The following GRIN2A variants were observed in gnomAD, a reference collection of about 807,000 sequenced individuals.
GRIN2A encodes glutamate ionotropic receptor NMDA type subunit 2A.
In GRIN2A, 22 loss-of-function variants were observed where a neutral mutation model predicts 113.4. That is an observed-to-expected ratio of 0.19 (90% CI 0.14 to 0.28). The LOEUF (loss-of-function observed/expected upper bound fraction) is 0.28, where lower values mean the gene tolerates loss of function less well. Ranked by LOEUF, GRIN2A falls within the 10% of genes least tolerant of loss-of-function variation. The pLI is 1.00. For synonymous variants in GRIN2A, 827 were observed against 738.4 expected, an observed-to-expected ratio of 1.12 and a Z score of -1.94; for missense variants, 1,502 against 1,887.0, an observed-to-expected ratio of 0.80 and a Z score of 3.78.
chr16:10,129,461 A>C (rs2049017976), intron 2 of GRIN2A, among the ~76,000 whole-genome samples: 2 of 152,186 alleles, frequency 1.3e-5, no homozygotes. Context: ...TAATGGCTAG[A>C]GTGGAGGCTA....
intron 2 of GRIN2A, among the ~76,000 whole-genome samples, chr16:10,078,733 C>G (rs1269714879): frequency 1.3e-5 from 2 of 152,156 alleles, no homozygotes; most frequent in Non-Finnish European, 2.9e-5. Context: ...GGGCACAGCC[C>G]CCTTCAGGCC....
chr16:9,798,148 C>G, intron 11 of GRIN2A, 129 bp downstream of exon 11: 1 of 763,942 alleles, frequency 1.3e-6, no homozygotes, highest in South Asian at 1.5e-5. Flanking sequence ...TTTCATGTGA[C>G]AGGAACTCAG....
chr16:9,991,812 A>C (rs1424306766), intron 2 of GRIN2A, among the ~76,000 whole-genome samples: 1 of 152,192 alleles, frequency 6.6e-6, no homozygotes, highest in African/African-American at 2.4e-5. Flanking sequence ...ATAAAGCCAA[A>C]CACCACATGT....
At chr16:10,116,749 A>G (rs756098507) in intron 2 of GRIN2A, among the ~76,000 whole-genome samples, 6 of 152,206 alleles carry the variant, frequency 3.9e-5, no homozygotes, top group Non-Finnish European at 8.8e-5. Flanking sequence ...AGTGTAGGAC[A>G]CACCTCATTA....
chr16:10,023,973 C>A (rs2046771882), intron 2 of GRIN2A, among the ~76,000 whole-genome samples: 1 of 152,206 alleles, frequency 6.6e-6, no homozygotes, highest in Non-Finnish European at 1.5e-5. Context: ...CATTGTGCCT[C>A]TTGTTCAGAA....
intron 3 of GRIN2A, among the ~76,000 whole-genome samples, chr16:9,899,440 CAAAAAAAA>C (rs71157791): frequency 1.6e-4 from 1 of 6,208 alleles, no homozygotes; most frequent in African/African-American, 8.3e-4. Context: ...AACTCCGTCT[CAAAAAAAA>C]AAAAAAAAAA....
chr16:9,886,934 T>A (rs949163931), intron 4 of GRIN2A, among the ~76,000 whole-genome samples: 9 of 152,118 alleles, frequency 5.9e-5, no homozygotes, highest in African/African-American at 2.2e-4. Flanking sequence ...GTCACCCAGG[T>A]TGAAGTGCAG....
At chr16:10,069,322 G>A (rs2047708492) in intron 2 of GRIN2A, among the ~76,000 whole-genome samples, 1 of 152,180 alleles carries the variant, frequency 6.6e-6, no homozygotes, top group South Asian at 2.1e-4. Context: ...GAGAGAAAGA[G>A]AATGTTCCAC....
intron 2 of GRIN2A, among the ~76,000 whole-genome samples, chr16:9,986,367 C>G (rs938593900): frequency 6.6e-6 from 1 of 152,118 alleles, no homozygotes; most frequent in East Asian, 1.9e-4. Flanking sequence ...AAAAACTTCA[C>G]CAAAGAGTTA....
At chr16:9,813,129 C>T (rs1204340118) in intron 10 of GRIN2A, among the ~76,000 whole-genome samples, 1 of 152,192 alleles carries the variant, frequency 6.6e-6, no homozygotes, top group Non-Finnish European at 1.5e-5. Flanking sequence ...TCTTGTAGTA[C>T]CCTTCAGTGC....
chr16:9,909,972 C>A (rs182314387), intron 3 of GRIN2A, among the ~76,000 whole-genome samples: 1 of 152,258 alleles, frequency 6.6e-6, no homozygotes, highest in Admixed American at 6.5e-5. Flanking sequence ...ACTATGTGGC[C>A]TTTTGTGCCT....
At chr16:9,929,870 G>C (rs2044548751) in intron 3 of GRIN2A, among the ~76,000 whole-genome samples, 1 of 152,142 alleles carries the variant, frequency 6.6e-6, no homozygotes, top group African/African-American at 2.4e-5. Flanking sequence ...TGTGCTTTAT[G>C]TGTGACCCCA....
chr16:9,888,300 T>C (rs2043626282), intron 4 of GRIN2A, among the ~76,000 whole-genome samples: 1 of 152,278 alleles, frequency 6.6e-6, no homozygotes, highest in South Asian at 2.1e-4. Context: ...TTTGATGAAG[T>C]ACAGTTTATT....
chr16:9,789,553 T>TACACACACACACACACACAC (rs71157785), intron 11 of GRIN2A, among the ~76,000 whole-genome samples: 1 of 149,502 alleles, frequency 6.7e-6, no homozygotes, highest in Admixed American at 6.7e-5. Flanking sequence ...GAAACATACA[T>TACACACACACACACACACAC]ACACACACAC....
chr16:9,966,254 C>T (rs1164895542), intron 2 of GRIN2A, among the ~76,000 whole-genome samples: 2 of 152,124 alleles, frequency 1.3e-5, no homozygotes, highest in Non-Finnish European at 2.9e-5. Context: ...ACTTTCCCGA[C>T]TCTCTTCCTC....
At position 10,147,336 on chromosome 16, in the gene GRIN2A, T is replaced by C. The variant is rs1196335495; in HGVS notation, c.414+32662A>G. 4.6e-5 allele frequency among the ~76,000 whole-genome samples: 7 copies of C among 151,520 alleles called. No homozygotes were observed. The South Asian group carries it at 1.3e-3, about 27-fold the overall frequency. On this transcript the variant is annotated intron_variant, in intron 2 of 12. Transcript: ENST00000330684. ...AGAAATGATAATGTGAAAGAATTAA[T>C]TGTAGAAGTGTACTGTAATCCCAGC...
chr16:9,956,554 C>T (rs746462153), intron 2 of GRIN2A, among the ~76,000 whole-genome samples: 15 of 152,172 alleles, frequency 9.9e-5, no homozygotes, highest in Admixed American at 5.2e-4. Context: ...ATTTATTCAT[C>T]TCTGGACCAG....
At chr16:9,896,776 C>T (rs970633960) in intron 3 of GRIN2A, among the ~76,000 whole-genome samples, 4 of 152,140 alleles carry the variant, frequency 2.6e-5, no homozygotes, top group African/African-American at 9.7e-5. Flanking sequence ...ATTCCCCCAC[C>T]CAATTTCTAG....
At chr16:9,869,911 A>G (rs1016778324) in intron 4 of GRIN2A, among the ~76,000 whole-genome samples, 3 of 152,206 alleles carry the variant, frequency 2.0e-5, no homozygotes, top group Non-Finnish European at 4.4e-5. Context: ...TGTTCTTGTA[A>G]GCTGAATGGA....
Sources: gnomAD v4.1 joint callset for allele counts (sites outside exome capture counted in the v4.1 genomes callset) on GRCh38, gnomAD v4.1.1 for gene constraint, MANE v1.5 for transcripts, NCBI Gene and HGNC (gene_info 2026-07-23, HGNC 2026-07-21) for gene names.